Variants in ARHGAP30 observed in about 807,000 individuals in gnomAD.
ARHGAP30 encodes the protein rho GTPase-activating protein 30.
Under a neutral mutation model 72.0 loss-of-function variants are expected in ARHGAP30, and 23 were observed. The ratio of observed to expected loss-of-function variants is 0.32; its 90% CI spans 0.23 to 0.45. ARHGAP30 has a LOEUF of 0.45. Among genes scored for constraint, ARHGAP30 ranks in the 20% least tolerant of loss-of-function variants. The pLI, the probability that ARHGAP30 is intolerant of heterozygous loss-of-function variation, is 1.00. For missense variants in ARHGAP30, 1,319 were observed against 1,383.4 expected (o/e 0.95, Z 0.74); for synonymous variants, 576 against 528.2 (o/e 1.09, Z -1.24).
At chr1:161,068,194 C>T (rs1423250083) in intron 1 of ARHGAP30, among the ~76,000 whole-genome samples, 1 of 152,216 alleles carries the variant, frequency 6.6e-6, no homozygotes, top group East Asian at 1.9e-4. Flanking sequence ...AGGAGCACAT[C>T]ATCCCCAATT....
At chr1:161,052,162 A>G (rs1395745160) in intron 9 of ARHGAP30, 124 bp downstream of exon 9, 1 of 1,006,210 alleles carries the variant, frequency 9.9e-7, no homozygotes, top group African/African-American at 1.6e-5. Flanking sequence ...TGTGGCTGGT[A>G]TATAATAGGC....
At chr1:161,052,252 A>G in intron 9 of ARHGAP30, 34 bp downstream of exon 9, 1 of 1,611,006 alleles carries the variant, frequency 6.2e-7, no homozygotes, top group Non-Finnish European at 8.5e-7. Context: ...CATAGCACAC[A>G]CACATACACA....
At position 161,048,194 on chromosome 1, in the gene ARHGAP30, TGGG is replaced by T. The variant is rs762844674; in HGVS notation, c.2824_2826del (p.Pro942del). ...CTGGGCATCTTGGCAAACTGTGGCTTGGGGGGCACCACAGGCACAGAGCGGACC... is the reference window on the plus strand; with the variant it reads ...CTGGGCATCTTGGCAAACTGTGGCTTGGGCACCACAGGCACAGAGCGGACC... On this transcript the variant is annotated inframe_deletion, in exon 12 of 12. Coordinates refer to ENST00000368013, the MANE Select transcript of ARHGAP30 (RefSeq NM_001025598.2). The T allele has an allele frequency of 1.2e-6, 2 of 1,614,006 alleles. No homozygotes were observed. Among genetic ancestry groups the T allele is most frequent in the South Asian group, 1.1e-5 (1 of 91,090 alleles).
intron 1 of ARHGAP30, among the ~76,000 whole-genome samples, chr1:161,063,356 A>G (rs1652462760): frequency 6.6e-6 from 1 of 152,214 alleles, no homozygotes; most frequent in Non-Finnish European, 1.5e-5. Context: ...AGTTCCCCAA[A>G]TTAATACTTT....
At chr1:161,062,332 C>T (rs1041870646) in intron 1 of ARHGAP30, among the ~76,000 whole-genome samples, 2 of 152,148 alleles carry the variant, frequency 1.3e-5, no homozygotes, top group African/African-American at 4.8e-5. Flanking sequence ...CCAGACAATT[C>T]CTTGACAAAT....
chr1:161,069,731 G>C lies in ARHGAP30; in HGVS notation c.-107C>G. On this transcript the variant is annotated 5_prime_UTR_variant, in exon 1 of 12. Coordinates refer to ENST00000368013, the MANE Select transcript of ARHGAP30 (RefSeq NM_001025598.2). This position sits in a 1 kb window ranked among gnomAD's most constrained non-coding sequence, Gnocchi z 4.9. ...AGCTGCTGGGCTTGGCCCGGCCCCA[G>C]GGGGGCAGGGCTCCCAATTGGGGGT... 1 of 1,251,392 alleles carries C rather than the reference G, an allele frequency of 8.0e-7. No individual in the cohort carries two copies. The highest frequency in any genetic ancestry group is 1.1e-6 in the Non-Finnish European group (1 of 887,802). The allele number at this position is 1,251,392 out of a possible 1,614,324, so 77.5% of individuals were successfully genotyped here.
chr1:161,053,507 G>T (rs376036529), intron 5 of ARHGAP30, 122 bp from the exon 6 acceptor site: 9,110 of 647,184 alleles, frequency 0.014, 95 homozygotes, highest in Non-Finnish European at 0.017. Context: ...TCTCTCTCTC[G>T]AATGACCTTA....
At position 161,048,645 on chromosome 1, in the gene ARHGAP30, C is replaced by T; in HGVS notation, c.2376G>A (p.Glu792=). 3 of 1,614,152 alleles carry T rather than the reference C, an allele frequency of 1.9e-6. No individual in the cohort carries two copies. Among genetic ancestry groups the T allele is most frequent in the African/African-American group, 1.3e-5 (1 of 75,016 alleles). The change falls in exon 12 of 12, where the codon GAG becomes GAA. Residue 792 remains glutamate, a synonymous_variant. Transcript: ENST00000368013. ...KWEVVQKQEA[E]GVREDEDKGQ... ...CTTTGTCCTCATCCTCTCTGACTCC[C>T]TCAGCCTCTTGTTTCTGTACAACTT...
In ARHGAP30 at chr1:161,059,549, C is replaced by A. The variant is rs572175773; in HGVS notation, c.200+65G>T. 8 of 1,413,422 alleles carry A rather than the reference C, an allele frequency of 5.7e-6. No homozygotes were observed. The African/African-American group carries it at 1.1e-4, about 20-fold the overall frequency. 87.6% of individuals were successfully genotyped at this position (1,413,422 alleles called of 1,614,324 possible). A position where few individuals can be genotyped will look rare whatever the true frequency, so the allele number is the denominator to read the frequency against. On this transcript the variant is annotated intron_variant, in intron 2 of 11. Transcript: ENST00000368013. ...CCCATCTCTGCTGTCCTCAGCAACT[C>A]TTACTGTGACCTTCTGGCTCCCTGG... is the stretch of plus-strand genomic sequence containing the variant.
intron 10 of ARHGAP30, 148 bp from the exon 11 acceptor site, chr1:161,049,837 T>C: frequency 8.9e-7 from 1 of 1,129,680 alleles, no homozygotes; most frequent in Non-Finnish European, 1.2e-6. Context: ...ATGTCCCTAG[T>C]TATTGGCTTG....
rs754004914 is a variant in ARHGAP30, at chr1:161,052,422, C to T, written c.940+18G>A. On this transcript the variant is annotated intron_variant, in intron 8 of 11. Transcript: ENST00000368013. ...TTGTGCACCCTCAGCAGAGCTCCCC[C>T]CATCTCCCCAGACTTACCCCTGTCC... 16 of 1,613,762 alleles carry T rather than the reference C, an allele frequency of 9.9e-6. No homozygotes were observed. In the South Asian group the frequency reaches 1.1e-4, roughly 11 times the overall value.
Position 161,059,734 on chromosome 1 carries a change from G to A in ARHGAP30, c.98-18C>T. 6.2e-7 allele frequency: 1 copy of A among 1,600,464 alleles called. No individual in the cohort carries two copies. The highest frequency in any genetic ancestry group is 8.5e-7 in the Non-Finnish European group (1 of 1,171,240). ...CTGGGGCACTGGGGACACAGACGGG[G>A]CAGAGACATAGAAATCAGAGGATCT... On this transcript the variant is annotated intron_variant, in intron 1 of 11. Transcript: ENST00000368013.
chr1:161,049,585 A>G lies in ARHGAP30; in HGVS notation c.1525T>C (p.Ser509Pro). ...CTTGAGTCCTCTAGGAAGGAGAAGG[A>G]GTCCTGCACCTCCTGGGACAGCGAG... ...EDSLSQEVQD[S>P]FSFLEDSSSS... Residue 509 changes from serine to proline, a missense_variant, in exon 11 of 12, where the codon TCC (serine) becomes CCC (proline). By Grantham distance (74) the Ser-to-Pro change is moderately conservative (BLOSUM62 -1). Coordinates refer to ENST00000368013, the MANE Select transcript of ARHGAP30 (RefSeq NM_001025598.2). The G allele has an allele frequency of 6.2e-7, 1 of 1,614,098 alleles. No individual in the cohort carries two copies. Among genetic ancestry groups the G allele is most frequent in the Non-Finnish European group, 8.5e-7 (1 of 1,180,006 alleles).
Position 161,048,795 on chromosome 1 carries a change from A to G in ARHGAP30, c.2226T>C (p.Tyr742=), listed in dbSNP as rs201790027. ...CAATTTCTTTTTCCTTCTCATCTGT[A>G]TACTCATCTCCTCCTGGTTCCTCCA... The part of the protein sequence containing the change: ...KGVEEPGGDE[Y]TDEKEKEIER... The change falls in exon 12 of 12, where the codon TAT becomes TAC. Residue 742 remains tyrosine (Y), a synonymous_variant. Transcript: ENST00000368013. 19 of 1,613,438 alleles carry G rather than the reference A, an allele frequency of 1.2e-5. No homozygotes were observed. In the African/African-American group the frequency reaches 1.6e-4, roughly 14 times the overall value.
intron 5 of ARHGAP30, 80 bp from the exon 6 acceptor site, chr1:161,053,465 TC>T: frequency 2.1e-6 from 1 of 470,378 alleles, no homozygotes; most frequent in East Asian, 9.2e-5. Flanking sequence ...TACCTTATTC[TC>T]TCTCTCTCTC....
In ARHGAP30 at chr1:161,048,198, G is replaced by A. The variant is rs759460122; in HGVS notation, c.2823C>T (p.Pro941=). The A allele has an allele frequency of 1.4e-5, 22 of 1,614,192 alleles. No homozygotes were observed. The highest frequency in any genetic ancestry group is 1.9e-5 in the Non-Finnish European group (22 of 1,180,038). The stretch of plus-strand genomic sequence containing the variant: ...GCATCTTGGCAAACTGTGGCTTGGG[G>A]GGCACCACAGGCACAGAGCGGACCT... The part of the protein sequence containing the change: ...VQQVRSVPVV[P]PKPQFAKMPS... Residue 941 remains proline, a synonymous_variant, in exon 12 of 12, where the codon CCC becomes CCT. Coordinates refer to ENST00000368013, the MANE Select transcript of ARHGAP30 (RefSeq NM_001025598.2).
In ARHGAP30 at chr1:161,049,347, C is replaced by G; in HGVS notation, c.1687-13G>C. The G allele has an allele frequency of 4.4e-6, 7 of 1,608,194 alleles. No individual in the cohort carries two copies. Among genetic ancestry groups the G allele is most frequent in the Non-Finnish European group, 5.9e-6 (7 of 1,176,476 alleles). ...AGAACTCCTCCACCTGTAGGCACAG[C>G]ATTGTGACTCAGGACCAGGAGGCCC... is the stretch of plus-strand genomic sequence containing the variant. On this transcript the variant is annotated splice_polypyrimidine_tract_variant and intron_variant, in intron 11 of 11. Coordinates refer to ENST00000368013, the MANE Select transcript of ARHGAP30 (RefSeq NM_001025598.2).
chr1:161,048,165 T>C lies in ARHGAP30; in HGVS notation c.2856A>G (p.Ala952=), dbSNP rs1360303989. Residue 952 remains alanine, a synonymous_variant, in exon 12 of 12, where the codon GCA becomes GCG. Transcript: ENST00000368013. ...GTGCCACATGAATCTTGCTACACAT[T>C]GCACTGGGCATCTTGGCAAACTGTG... The part of the protein sequence containing the change: ...PKPQFAKMPS[A]MCSKIHVAPA... 2 of 1,614,054 alleles carry C rather than the reference T, an allele frequency of 1.2e-6. No individual in the cohort carries two copies. Among genetic ancestry groups the C allele is most frequent in the East Asian group, 2.2e-5 (1 of 44,896 alleles).
intron 1 of ARHGAP30, among the ~76,000 whole-genome samples, chr1:161,062,048 A>T (rs1167212585): frequency 6.6e-6 from 1 of 152,138 alleles, no homozygotes; most frequent in Non-Finnish European, 1.5e-5. Context: ...AGACTGTGCC[A>T]CTGTACTCCA....
Sources: gnomAD v4.1 joint callset for allele counts (sites outside exome capture counted in the v4.1 genomes callset) on GRCh38, gnomAD v4.1.1 for gene constraint, Gnocchi (gnomAD v3.1) non-coding constraint, MANE v1.5 for transcripts, NCBI Gene and HGNC (gene_info 2026-07-23, HGNC 2026-07-21) for gene names.